DPH5: variants seen among roughly 807,000 people sequenced by gnomAD.
The protein encoded by DPH5 is diphthine methyl ester synthase.
DPH5 carries 31 observed loss-of-function variants against 31.6 expected under a neutral mutation model. The observed-to-expected ratio is 0.98, with a 90% CI of 0.74 to 1.32. The LOEUF is 1.32. Among genes scored for constraint, DPH5 ranks in the 40% most tolerant of loss-of-function variants. The pLI is 0.00. For missense variants in DPH5, 309 were observed against 335.7 expected (o/e 0.92, Z 0.62); for synonymous variants, 120 against 115.0 (o/e 1.04, Z -0.28).
chr1:101,000,252 C>T (rs901898199), intron 5 of DPH5, among the ~76,000 whole-genome samples: 3 of 152,102 alleles, frequency 2.0e-5, no homozygotes, highest in Non-Finnish European at 4.4e-5. Context: ...TGATCTTGTG[C>T]TATGTGATAG....
chr1:101,016,630 A>G (rs1159597328), intron 3 of DPH5, among the ~76,000 whole-genome samples: 1 of 151,450 alleles, frequency 6.6e-6, no homozygotes, highest in African/African-American at 2.4e-5. Context: ...ATTTTTTGGT[A>G]GAGACGGGGT....
Position 101,009,848 on chromosome 1 carries a change from A to G in DPH5, c.369+3862T>C, listed in dbSNP as rs549350785. On this transcript the variant is annotated intron_variant, in intron 4 of 7. Coordinates refer to ENST00000370109, the MANE Select transcript of DPH5 (RefSeq NM_015958.3). The stretch of plus-strand genomic sequence containing the variant: ...CAGGTCACTCTTTCCCTTGCCTGCT[A>G]TGGTCCAACAAGCCCTTCCTTGGTT... Among the ~76,000 whole-genome samples the G allele has an allele frequency of 1.6e-4, 25 of 152,302 alleles. No homozygotes were observed. The Middle Eastern group carries it at 0.01, about 62-fold the overall frequency.
At chr1:101,009,548 A>C (rs1422338268) in intron 4 of DPH5, among the ~76,000 whole-genome samples, 1 of 152,192 alleles carries the variant, frequency 6.6e-6, no homozygotes, top group African/African-American at 2.4e-5. Flanking sequence ...TTCACTTTCT[A>C]AATCTTCTCT....
chr1:101,016,225 G>T (rs1660064669), intron 3 of DPH5, among the ~76,000 whole-genome samples: 2 of 151,914 alleles, frequency 1.3e-5, no homozygotes, highest in South Asian at 4.2e-4. Context: ...GTGGTGGCAG[G>T]CGCCTGTAGT....
chr1:101,019,408 G>A (rs1010149219), intron 3 of DPH5, among the ~76,000 whole-genome samples: 5 of 151,990 alleles, frequency 3.3e-5, no homozygotes, highest in African/African-American at 9.7e-5. Flanking sequence ...GTATGCCACT[G>A]AACTGTACAC....
intron 6 of DPH5, among the ~76,000 whole-genome samples, chr1:100,993,548 T>C (rs1487370452): frequency 1.5e-5 from 1 of 67,852 alleles, no homozygotes; most frequent in African/African-American, 5.1e-5. Context: ...CAAGACTCTG[T>C]CGAAAATATA....
rs1237959572 is a variant in DPH5, at chr1:101,013,834, A to G, written c.261-16T>C. On this transcript the variant is annotated splice_polypyrimidine_tract_variant and intron_variant, in intron 3 of 7. Coordinates refer to ENST00000370109, the MANE Select transcript of DPH5 (RefSeq NM_015958.3). ...TGTTGTGGCCCTGTAGTGAGAAAAG[A>G]TTAGATTGGATTAAAGCAAACAACA... 1 of 1,576,146 alleles carries G rather than the reference A, an allele frequency of 6.3e-7. No individual in the cohort carries two copies.
At chr1:100,993,626 ATAGAT>A (rs1268388569) in intron 6 of DPH5, among the ~76,000 whole-genome samples, 1 of 137,184 alleles carries the variant, frequency 7.3e-6, no homozygotes, top group African/African-American at 2.7e-5. Flanking sequence ...CACAGTTCAA[ATAGAT>A]TATTTTACTG....
In DPH5 at chr1:101,025,400, A is replaced by T; in HGVS notation, c.44T>A (p.Ile15Asn). The T allele has an allele frequency of 6.2e-7, 1 of 1,614,202 alleles. No homozygotes were observed. Among genetic ancestry groups the T allele is most frequent in the Non-Finnish European group, 8.5e-7 (1 of 1,180,026 alleles). The change falls in exon 2 of 8, where the codon ATC becomes AAC. Residue 15 changes from isoleucine to asparagine, a missense_variant. Physicochemically the swap from Ile to Asn is moderately radical, Grantham distance 149. Transcript: ENST00000370109. ...AACAACTTCCAGGCCCTTGACTGTG[A>T]TGTCCTTGGCATCTCCCAGGCCCAA... ...IGLGLGDAKDITVKGLEVVRR... is the reference protein window; with the variant it reads ...IGLGLGDAKDNTVKGLEVVRR...
intron 3 of DPH5, among the ~76,000 whole-genome samples, chr1:101,021,124 AAAG>A (rs1333256533): frequency 6.6e-6 from 1 of 152,202 alleles, no homozygotes; most frequent in Non-Finnish European, 1.5e-5. Flanking sequence ...TGGTAATGAC[AAAG>A]AACAGGGTTC....
chr1:101,010,116 T>C (rs940042837), intron 4 of DPH5, among the ~76,000 whole-genome samples: 3 of 152,232 alleles, frequency 2.0e-5, no homozygotes, highest in African/African-American at 7.2e-5. Context: ...TAAAATAGAA[T>C]CTCTTTGAGA....
At chr1:101,005,036 T>C (rs1007113725) in intron 4 of DPH5, among the ~76,000 whole-genome samples, 5 of 152,252 alleles carry the variant, frequency 3.3e-5, no homozygotes, top group Admixed American at 1.3e-4. Flanking sequence ...CCTACAACCA[T>C]GGTTTGAGCC....
intron 3 of DPH5, among the ~76,000 whole-genome samples, chr1:101,016,093 A>T (rs951210414): frequency 6.6e-6 from 1 of 152,186 alleles, no homozygotes; most frequent in Non-Finnish European, 1.5e-5. Context: ...AGTGGCTCAC[A>T]TCTGTAATCC....
rs1657516149 is a variant in DPH5 at position 100,989,922 on chromosome 1, A to T, written c.*486T>A. 1 of 154,524 alleles carries T rather than the reference A, an allele frequency of 6.5e-6. No individual in the cohort carries two copies. 9.6% of individuals were successfully genotyped at this position (154,524 alleles called of 1,614,324 possible). ...AAAAACTCACTGCCACAAGAAACCA[A>T]GCATTGTTGAGTCAACTTCTTTTTG... is the stretch of plus-strand genomic sequence containing the variant. On this transcript the variant is annotated 3_prime_UTR_variant, in exon 8 of 8. Coordinates refer to ENST00000370109, the MANE Select transcript of DPH5 (RefSeq NM_015958.3).
intron 5 of DPH5, 73 bp from the exon 6 acceptor site, chr1:100,995,222 T>G (rs969597694): frequency 1.8e-5 from 18 of 1,017,150 alleles, no homozygotes; most frequent in Non-Finnish European, 2.7e-5. Flanking sequence ...AAACCTCAGT[T>G]AAGAGTCACC....
intron 4 of DPH5, among the ~76,000 whole-genome samples, chr1:101,003,123 A>T (rs1436071491): frequency 6.6e-6 from 1 of 152,216 alleles, no homozygotes; most frequent in East Asian, 1.9e-4. Context: ...TAGCAATCAA[A>T]TTCACAGGTC....
chr1:101,004,860 C>A (rs555461477), intron 4 of DPH5, among the ~76,000 whole-genome samples: 1 of 152,156 alleles, frequency 6.6e-6, no homozygotes, highest in Admixed American at 6.6e-5. Context: ...GTAACAGAGG[C>A]GGGAAGTCTT....
chr1:101,012,183 G>T (rs1327963887), intron 4 of DPH5, among the ~76,000 whole-genome samples: 5 of 152,132 alleles, frequency 3.3e-5, no homozygotes, highest in Non-Finnish European at 7.3e-5. Flanking sequence ...TTACAGGCGT[G>T]AGCTACCACG....
chr1:101,023,606 A>G (rs568711514), intron 2 of DPH5, among the ~76,000 whole-genome samples: 1 of 152,382 alleles, frequency 6.6e-6, no homozygotes, highest in South Asian at 2.1e-4. Context: ...ACATTTAGCT[A>G]GCACTGAAAA....
Sources: gnomAD v4.1 joint callset for allele counts (sites outside exome capture counted in the v4.1 genomes callset) on GRCh38, gnomAD v4.1.1 for gene constraint, MANE v1.5 for transcripts, NCBI Gene and HGNC (gene_info 2026-07-23, HGNC 2026-07-21) for gene names.